Variants in MINK1 observed in about 807,000 individuals in gnomAD.
MINK1 encodes the protein misshapen-like kinase 1.
MINK1 carries 46 observed loss-of-function variants against 178.4 expected under a neutral mutation model. The observed-to-expected ratio is 0.26, with a 90% CI of 0.20 to 0.33. The LOEUF is 0.33. Among genes scored for constraint, MINK1 ranks in the 10% least tolerant of loss-of-function variants. The pLI is 1.00. For synonymous variants in MINK1, 797 were observed against 709.7 expected, an observed-to-expected ratio of 1.12 and a Z score of -1.96; for missense variants, 1,366 against 1,814.9, an observed-to-expected ratio of 0.75 and a Z score of 4.49.
Position 4,896,178 on chromosome 17 carries a change from T to C in MINK1, c.3466-15T>C. On this transcript the variant is annotated splice_polypyrimidine_tract_variant and intron_variant, in intron 28 of 31. Coordinates refer to ENST00000355280, the MANE Select transcript of MINK1 (RefSeq NM_153827.5). The surrounding 1 kb of genome is among the most constrained non-coding windows in gnomAD (Gnocchi z 4.6). ...CCCGTGCCCCTGAGCCCTCCTCTCC[T>C]CCGGTTCTCTGCAGTCCTTTGCCGA... 6.3e-7 allele frequency: 1 copy of C among 1,599,642 alleles called. No individual in the cohort carries two copies. The highest frequency in any genetic ancestry group is 8.5e-7 in the Non-Finnish European group (1 of 1,172,186).
Position 4,886,378 on chromosome 17 carries a change from T to C in MINK1, c.774-73T>C, listed in dbSNP as rs1292754987. ...GACGTCAAGGTGGCTTGTGGATGAA[T>C]GATCCACCCTCTTCCTCCTGCACCC... On this transcript the variant is annotated intron_variant, in intron 9 of 31. Coordinates refer to ENST00000355280, the MANE Select transcript of MINK1 (RefSeq NM_153827.5). This position sits in a 1 kb window ranked among gnomAD's most constrained non-coding sequence, Gnocchi z 6.1. 2 of 1,545,208 alleles carry C rather than the reference T, an allele frequency of 1.3e-6. No individual in the cohort carries two copies. The highest frequency in any genetic ancestry group is 2.7e-5 in the African/African-American group (2 of 73,552).
intron 2 of MINK1, 114 bp downstream of exon 2, chr17:4,878,496 G>T: frequency 1.1e-6 from 1 of 947,468 alleles, no homozygotes. Flanking sequence ...GGAGATGCTA[G>T]AGTCTAGGGC....
chr17:4,862,348 T>G (rs1914289210), intron 1 of MINK1, among the ~76,000 whole-genome samples: 1 of 152,100 alleles, frequency 6.6e-6, no homozygotes, highest in South Asian at 2.1e-4. Flanking sequence ...TGGAGTTAGG[T>G]GAGGATTAAA....
intron 15 of MINK1, 48 bp from the exon 16 acceptor site, chr17:4,891,408 G>C (rs1309142218): frequency 6.6e-7 from 1 of 1,514,146 alleles, no homozygotes; most frequent in Non-Finnish European, 8.8e-7. Flanking sequence ...CGCAGGTGGG[G>C]ATGTGCCATG....
At position 4,886,313 on chromosome 17, in the gene MINK1, C is replaced by T; in HGVS notation, c.773+115C>T. 1 of 1,505,304 alleles carries T rather than the reference C, an allele frequency of 6.6e-7. No homozygotes were observed. Among genetic ancestry groups the T allele is most frequent in the Non-Finnish European group, 9.2e-7 (1 of 1,084,114 alleles). The allele number at this position is 1,505,304 out of a possible 1,614,324, so 93.2% of individuals were successfully genotyped here. On this transcript the variant is annotated intron_variant, in intron 9 of 31. Coordinates refer to ENST00000355280, the MANE Select transcript of MINK1 (RefSeq NM_153827.5). The surrounding 1 kb of genome is among the most constrained non-coding windows in gnomAD (Gnocchi z 6.1). The stretch of plus-strand genomic sequence containing the variant: ...TCACCAGAGAAGAGATTCTGGGGGG[C>T]AGAGGGCGGTGACTGGTGTTGGGAT...
intron 1 of MINK1, among the ~76,000 whole-genome samples, chr17:4,853,819 C>G (rs751033315): frequency 6.6e-6 from 1 of 152,038 alleles, no homozygotes; most frequent in Non-Finnish European, 1.5e-5. Context: ...CCTCGCTTAC[C>G]TACAGTGAGA....
chr17:4,887,695 C>T lies in MINK1; in HGVS notation c.1135C>T (p.Gln379Ter). 1 of 1,560,712 alleles carries T rather than the reference C, an allele frequency of 6.4e-7. No individual in the cohort carries two copies. Among genetic ancestry groups the T allele is most frequent in the Non-Finnish European group, 8.7e-7 (1 of 1,153,572 alleles). Reference protein sequence around the residue: ...LKQQQQLQQQQQRDPEAHIKH... With the variant: ...LKQQQQLQQQ Reference sequence around the variant, plus strand: ...ACAGCAGCAGCAGCTGCAGCAGCAGCAGCAGCGAGACCCCGAGGCACACAT... The same window carrying T: ...ACAGCAGCAGCAGCTGCAGCAGCAGTAGCAGCGAGACCCCGAGGCACACAT... The change falls in exon 12 of 32, where the codon CAG becomes TAG. Residue 379 changes from glutamine (Q) to a stop codon, truncating the protein, a stop_gained. Transcript: ENST00000355280. LOFTEE classifies it high-confidence loss of function. The surrounding 1 kb of genome is among the most constrained non-coding windows in gnomAD (Gnocchi z 7.6).
intron 1 of MINK1, among the ~76,000 whole-genome samples, chr17:4,869,679 G>A (rs978247610): frequency 2.0e-5 from 3 of 151,234 alleles, no homozygotes; most frequent in African/African-American, 7.3e-5. Context: ...GTCCATAGAG[G>A]CTGTACTAAT....
intron 1 of MINK1, among the ~76,000 whole-genome samples, chr17:4,877,694 C>G (rs984186195): frequency 2.0e-5 from 3 of 150,766 alleles, no homozygotes; most frequent in East Asian, 2.0e-4. Context: ...GAGGAAGGTA[C>G]TCGGGCACCC....
chr17:4,860,679 T>C lies in MINK1; in HGVS notation c.58-17638T>C, dbSNP rs762432683. ...GGAGCTGTGGGAGGAGTCCAGGGAG[T>C]CCCTTGAGGCTGAGCAGAGCAAAGA... On this transcript the variant is annotated intron_variant, in intron 1 of 31. Transcript: ENST00000355280. 17 of 518,148 alleles carry C rather than the reference T, an allele frequency of 3.3e-5. No homozygotes were observed. In the Middle Eastern group the frequency reaches 1.3e-3, roughly 40 times the overall value. 32.1% of individuals were successfully genotyped at this position (518,148 alleles called of 1,614,324 possible). A position where few individuals can be genotyped will look rare whatever the true frequency, so the allele number is the denominator to read the frequency against.
At position 4,897,292 on chromosome 17, in the gene MINK1, G is replaced by A. The variant is rs777364049; in HGVS notation, c.*5G>A. The A allele has an allele frequency of 1.2e-6, 2 of 1,613,352 alleles. No individual in the cohort carries two copies. The highest frequency in any genetic ancestry group is 1.1e-5 in the South Asian group (1 of 91,004). On this transcript the variant is annotated 3_prime_UTR_variant, in exon 32 of 32. Coordinates refer to ENST00000355280, the MANE Select transcript of MINK1 (RefSeq NM_153827.5). ...AACTGCATCATGAACTGGTGACGGG[G>A]CCCTGGGCTGGGGCTGTCCCACACT... is the stretch of plus-strand genomic sequence containing the variant.
intron 2 of MINK1, 102 bp from the exon 3 acceptor site, chr17:4,880,882 A>C (rs145519071): frequency 0.086 from 102,982 of 1,193,430 alleles, 4,788 homozygotes; most frequent in Non-Finnish European, 0.095. Context: ...TCTGGGCGAC[A>C]GAGCGAGACC....
At position 4,836,404 on chromosome 17, in the gene MINK1, T is replaced by C. The variant is rs1459161214; in HGVS notation, c.57+2764T>C. ...GCTACTTTGTAGCCACAGCCACACT[T>C]GACCTCTTTGAGGTTCCTTTTCTCC... On this transcript the variant is annotated intron_variant, in intron 1 of 31. Coordinates refer to ENST00000355280, the MANE Select transcript of MINK1 (RefSeq NM_153827.5). This position sits in a 1 kb window ranked among gnomAD's most constrained non-coding sequence, Gnocchi z 4.3. Among the ~76,000 whole-genome samples, 1 of 152,182 alleles carries C rather than the reference T, an allele frequency of 6.6e-6. No homozygotes were observed. Among genetic ancestry groups the C allele is most frequent in the East Asian group, 1.9e-4 (1 of 5,194 alleles).
intron 1 of MINK1, among the ~76,000 whole-genome samples, chr17:4,865,119 T>A (rs971771373): frequency 6.6e-6 from 1 of 152,182 alleles, no homozygotes; most frequent in African/African-American, 2.4e-5. Context: ...CTGTTTTACA[T>A]GAGATGTGTA....
At position 4,833,422 on chromosome 17, in the gene MINK1, T is replaced by TG; in HGVS notation, c.-159dup. 1 of 560,402 alleles carries TG rather than the reference T, an allele frequency of 1.8e-6. No individual in the cohort carries two copies. Among genetic ancestry groups the TG allele is most frequent in the Admixed American group, 3.7e-5 (1 of 27,384 alleles). 34.7% of individuals were successfully genotyped at this position (560,402 alleles called of 1,614,324 possible). A position where few individuals can be genotyped will look rare whatever the true frequency, so the allele number is the denominator to read the frequency against. ...CGGGGAGATAGCGCCTGTCAGTCGG[T>TG]GGGTCGGTCCTCGCGCCGGCCCTCC... is the stretch of plus-strand genomic sequence containing the variant. On this transcript the variant is annotated 5_prime_UTR_variant, in exon 1 of 32. Coordinates refer to ENST00000355280, the MANE Select transcript of MINK1 (RefSeq NM_153827.5). The surrounding 1 kb of genome is among the most constrained non-coding windows in gnomAD (Gnocchi z 4.8).
Position 4,890,606 on chromosome 17 carries a change from G to A in MINK1, c.1437G>A (p.Leu479=), listed in dbSNP as rs1968692759. 1.9e-6 allele frequency: 3 copies of A among 1,562,904 alleles called. No individual in the cohort carries two copies. Among genetic ancestry groups the A allele is most frequent in the Non-Finnish European group, 2.6e-6 (3 of 1,154,486 alleles). ...AGGAGCATGCCTACCTCAAGTCCCT[G>A]CAGCAGCAGCAACAGCAGCAGCAGC... ...LQQEHAYLKS[L]QQQQQQQQLQ... The change falls in exon 14 of 32, where the codon CTG becomes CTA. Residue 479 remains leucine, a synonymous_variant. Transcript: ENST00000355280.
chr17:4,873,224 A>G (rs1007098244), intron 1 of MINK1, among the ~76,000 whole-genome samples: 11 of 151,946 alleles, frequency 7.2e-5, no homozygotes, highest in Non-Finnish European at 4.4e-5. Flanking sequence ...CAACTCTTAC[A>G]CTCACGAATG....
chr17:4,895,948 G>A lies in MINK1; in HGVS notation c.3365-55G>A. ...CAGTGTAGTGACAGACCACGGGGAG[G>A]CGCCCGTGGCGCAAGAAGGGAAGTC... is the stretch of plus-strand genomic sequence containing the variant. On this transcript the variant is annotated intron_variant, in intron 27 of 31. Transcript: ENST00000355280. This position sits in a 1 kb window ranked among gnomAD's most constrained non-coding sequence, Gnocchi z 4.3. 1 of 1,565,198 alleles carries A rather than the reference G, an allele frequency of 6.4e-7. No individual in the cohort carries two copies. Among genetic ancestry groups the A allele is most frequent in the Non-Finnish European group, 8.7e-7 (1 of 1,154,568 alleles).
In MINK1 at chr17:4,886,103, G is replaced by A. The variant is rs1322386713; in HGVS notation, c.695-17G>A. 1 of 1,613,500 alleles carries A rather than the reference G, an allele frequency of 6.2e-7. No individual in the cohort carries two copies. The highest frequency in any genetic ancestry group is 8.5e-7 in the Non-Finnish European group (1 of 1,179,458). ...CAGTGCAGTGAAAGGGACTGAGGGTGTCTCCTCTGTGTCCAGCTCTGTGTG... is the reference window on the plus strand; with the variant it reads ...CAGTGCAGTGAAAGGGACTGAGGGTATCTCCTCTGTGTCCAGCTCTGTGTG... On this transcript the variant is annotated splice_polypyrimidine_tract_variant and intron_variant, in intron 8 of 31. Transcript: ENST00000355280. The surrounding 1 kb of genome is among the most constrained non-coding windows in gnomAD (Gnocchi z 6.1).
Sources: allele counts gnomAD v4.1 joint callset (sites outside exome capture counted in the v4.1 genomes callset), GRCh38; gene constraint gnomAD v4.1.1; non-coding constraint Gnocchi (gnomAD v3.1); transcripts MANE v1.5; gene names NCBI Gene and HGNC (gene_info 2026-07-23, HGNC 2026-07-21).